Variants in TTC34 observed in about 807,000 individuals in gnomAD.
The protein encoded by TTC34 is tetratricopeptide repeat domain 34, also known as tetratricopeptide repeat protein 34.
A neutral mutation model predicts 40.7 loss-of-function variants in TTC34; 44 were observed. The observed-to-expected ratio is 1.08, with a 90% confidence interval of 0.85 to 1.39. The LOEUF (loss-of-function observed/expected upper bound fraction) is 1.39, where lower values mean the gene tolerates loss of function less well. Ranked by LOEUF, TTC34 falls within the 40% of genes most tolerant of loss-of-function variation. TTC34 has a pLI of 0.00. For synonymous variants in TTC34, 422 were observed against 398.6 expected, an observed-to-expected ratio of 1.06 and a Z score of -0.70; for missense variants, 884 against 838.0, an observed-to-expected ratio of 1.05 and a Z score of -0.68.
At position 2,747,968 on chromosome 1, in the gene TTC34, G is replaced by C. The variant is rs1641206674; in HGVS notation, c.2226+35641C>G. On this transcript the variant is annotated intron_variant, in intron 6 of 8. Coordinates refer to ENST00000401095, the Ensembl canonical transcript of TTC34. Reference sequence around the variant, plus strand: ...GGAGCAGCACCCCACACCCATAGGTGAGCATCTGACAGCCTGGAGCAGCAC... The same window carrying C: ...GGAGCAGCACCCCACACCCATAGGTCAGCATCTGACAGCCTGGAGCAGCAC... Among the ~76,000 whole-genome samples, 3 of 65,076 alleles carry C rather than the reference G, an allele frequency of 4.6e-5. 1 individual carries two copies. Among genetic ancestry groups the C allele is most frequent in the Non-Finnish European group, 7.7e-5 (3 of 38,884 alleles). The allele number at this position is 65,076 out of a possible 152,430, so 42.7% of individuals were successfully genotyped here.
intron 6 of TTC34, among the ~76,000 whole-genome samples, chr1:2,656,377 CA>C (rs1463831545): frequency 9.8e-6 from 1 of 101,688 alleles, no homozygotes; most frequent in Non-Finnish European, 2.0e-5. Context: ...CACCCACACC[CA>C]CAGGTGAGCA....
At chr1:2,754,799 G>T (rs1641450363) in intron 6 of TTC34, among the ~76,000 whole-genome samples, 1 of 151,854 alleles carries the variant, frequency 6.6e-6, no homozygotes, top group Non-Finnish European at 1.5e-5. Context: ...GCATCTGACA[G>T]CCTGGAACAG....
chr1:2,691,221 C>G lies in TTC34; in HGVS notation c.2227-45658G>C, dbSNP rs1343978887. ...CTGACGGCCTGGAACAGCACCCACA[C>G]GCCCAGGTGAGCATCTGACAGCCTG... On this transcript the variant is annotated intron_variant, in intron 6 of 8. Transcript: ENST00000401095. Among the ~76,000 whole-genome samples the G allele has an allele frequency of 9.9e-5, 7 of 70,488 alleles. 1 individual carries two copies. Among genetic ancestry groups the G allele is most frequent in the African/African-American group, 3.3e-4 (7 of 21,428 alleles). 46.2% of individuals were successfully genotyped at this position (70,488 alleles called of 152,430 possible).
chr1:2,785,400 C>T (rs1443403835), intron 5 of TTC34, among the ~76,000 whole-genome samples: 1 of 152,136 alleles, frequency 6.6e-6, no homozygotes. Flanking sequence ...GCAGGCAGCA[C>T]CCCCGTGCTG....
chr1:2,641,744 C>G lies in TTC34; in HGVS notation c.2864G>C (p.Arg955Pro), dbSNP rs576078050. Residue 955 changes from arginine (R) to proline (P), a missense_variant, in exon 9 of 9, where the codon CGG becomes CCG. Arg to Pro is a moderately radical substitution (Grantham distance 103). Coordinates refer to ENST00000401095, the Ensembl canonical transcript of TTC34. ...CACATGGTCCAGGTCCCTAAGGGCCCGGCCAAACTCCTGCAACTCGGCCAG... is the reference window on the plus strand; with the variant it reads ...CACATGGTCCAGGTCCCTAAGGGCCGGGCCAAACTCCTGCAACTCGGCCAG... The G allele has an allele frequency of 3.6e-4, 559 of 1,535,292 alleles. 9 individuals carry two copies. In the South Asian group the frequency reaches 4.9e-3, roughly 13 times the overall value.
intron 6 of TTC34, among the ~76,000 whole-genome samples, chr1:2,692,377 T>C (rs60024895): frequency 0.052 from 322 of 6,184 alleles, no homozygotes; most frequent in East Asian, 0.061. Flanking sequence ...TGGAGCAGCG[T>C]CCACACCCCC....
chr1:2,650,010 T>C (rs1325177793), intron 6 of TTC34, among the ~76,000 whole-genome samples: 24 of 117,794 alleles, frequency 2.0e-4, no homozygotes, highest in East Asian at 1.1e-3. Flanking sequence ...GCACTCTGCA[T>C]CCCCAGGTGA....
chr1:2,643,072 G>C (rs887590329), intron 8 of TTC34, among the ~76,000 whole-genome samples: 2 of 152,174 alleles, frequency 1.3e-5, no homozygotes, highest in African/African-American at 4.8e-5. Context: ...TTTGGGCCGG[G>C]TCCATGGCAG....
intron 6 of TTC34, among the ~76,000 whole-genome samples, chr1:2,695,747 C>G (rs1317264633): frequency 1.4e-5 from 2 of 143,716 alleles, no homozygotes; most frequent in South Asian, 2.2e-4. Context: ...CCTGGAACAG[C>G]ACCCACACCC....
chr1:2,675,133 A>C (rs1639854906), intron 6 of TTC34, among the ~76,000 whole-genome samples: 1 of 6,158 alleles, frequency 1.6e-4, no homozygotes, highest in African/African-American at 4.0e-4. Context: ...CCAGGTGAGA[A>C]TCTGACAGCC....
At chr1:2,755,109 G>T (rs1641461954) in intron 6 of TTC34, among the ~76,000 whole-genome samples, 1 of 66,872 alleles carries the variant, frequency 1.5e-5, no homozygotes, top group Non-Finnish European at 2.5e-5. Flanking sequence ...ACCCCCAGGC[G>T]AGCATCTGAC....
intron 6 of TTC34, among the ~76,000 whole-genome samples, chr1:2,687,709 C>T (rs1184395726): frequency 4.6e-5 from 7 of 151,014 alleles, no homozygotes; most frequent in East Asian, 2.0e-4. Flanking sequence ...ATCTGACAGC[C>T]GGGAACAGCA....
intron 6 of TTC34, among the ~76,000 whole-genome samples, chr1:2,652,789 C>A (rs1456549239): frequency 6.7e-6 from 1 of 149,490 alleles, no homozygotes; most frequent in Non-Finnish European, 1.5e-5. Flanking sequence ...ATCCGACAGC[C>A]TGGAGCAGCA....
chr1:2,644,452 G>C, exon 8 of TTC34: 1 of 1,534,538 alleles, frequency 6.5e-7, no homozygotes, highest in African/African-American at 1.4e-5. Context: ...GCTTTTTCCA[G>C]GTGGGTGCCA....
At chr1:2,688,327 C>A (rs1039038440) in intron 6 of TTC34, among the ~76,000 whole-genome samples, 25 of 137,504 alleles carry the variant, frequency 1.8e-4, no homozygotes, top group East Asian at 1.1e-3. Context: ...CAGAACCCCA[C>A]ACCCCCAGGT....
chr1:2,678,010 C>CTGT (rs1639984072), intron 6 of TTC34, among the ~76,000 whole-genome samples: 1 of 32,568 alleles, frequency 3.1e-5, no homozygotes, highest in Non-Finnish European at 5.3e-5. Context: ...GCAGCACCCA[C>CTGT]AACCCCAAGT....
At chr1:2,755,060 C>T (rs1641460309) in intron 6 of TTC34, among the ~76,000 whole-genome samples, 1 of 65,004 alleles carries the variant, frequency 1.5e-5, no homozygotes, top group African/African-American at 1.3e-4. Context: ...GCACCCTGCA[C>T]CCCCAGGTGC....
At chr1:2,786,784 C>T (rs966429982) in intron 4 of TTC34, among the ~76,000 whole-genome samples, 17 of 152,190 alleles carry the variant, frequency 1.1e-4, no homozygotes, top group Non-Finnish European at 1.8e-4. Context: ...CGACTCCATC[C>T]GAAGGAGGCC....
intron 6 of TTC34, among the ~76,000 whole-genome samples, chr1:2,698,698 G>C (rs554889050): frequency 1.1e-4 from 14 of 125,988 alleles, no homozygotes; most frequent in African/African-American, 4.4e-4. Context: ...CCCCAGGTGA[G>C]CATTCGACAG....
Sources: gnomAD v4.1 joint callset for allele counts (sites outside exome capture counted in the v4.1 genomes callset) on GRCh38, gnomAD v4.1.1 for gene constraint, MANE v1.5 for transcripts, NCBI Gene and HGNC (gene_info 2026-07-23, HGNC 2026-07-21) for gene names.